The following GIGYF2 variants were observed in gnomAD, a reference collection of about 807,000 sequenced individuals.
GIGYF2 encodes GRB10 interacting GYF protein 2, also known as GRB10-interacting GYF protein 2.
In GIGYF2, 25 loss-of-function variants were observed where a neutral mutation model predicts 208.1. That is an observed-to-expected ratio of 0.12 (90% CI 0.09 to 0.17). The LOEUF is 0.17. GIGYF2 is among the 10% of genes least tolerant of loss of function. The pLI is 1.00. For missense variants in GIGYF2, 1,302 were observed against 1,579.4 expected (o/e 0.82, Z 2.98); for synonymous variants, 534 against 543.8 (o/e 0.98, Z 0.25).
chr2:232,803,501 A>G (rs1316011361), intron 14 of GIGYF2, among the ~76,000 whole-genome samples: 1 of 151,972 alleles, frequency 6.6e-6, no homozygotes, highest in Non-Finnish European at 1.5e-5. Flanking sequence ...TTTTAAATTA[A>G]TTTTCATATA....
chr2:232,843,614 C>T (rs1433120095), intron 23 of GIGYF2, among the ~76,000 whole-genome samples: 1 of 151,282 alleles, frequency 6.6e-6, no homozygotes, highest in Non-Finnish European at 1.5e-5. Flanking sequence ...TGGCTCATGC[C>T]TGTAATCCCA....
At chr2:232,827,568 T>G (rs929353196) in intron 21 of GIGYF2, among the ~76,000 whole-genome samples, 19 of 152,366 alleles carry the variant, frequency 1.2e-4, no homozygotes, top group Non-Finnish European at 4.4e-5. Flanking sequence ...TATGCTTGGT[T>G]GGTAGCAATA....
intron 23 of GIGYF2, among the ~76,000 whole-genome samples, chr2:232,840,758 A>T (rs996823635): frequency 2.6e-5 from 4 of 152,164 alleles, no homozygotes; most frequent in African/African-American, 9.7e-5. Flanking sequence ...AGGGATAATG[A>T]TGGTGTGGTG....
At chr2:232,793,774 T>C (rs894078904) in intron 12 of GIGYF2, among the ~76,000 whole-genome samples, 8 of 152,020 alleles carry the variant, frequency 5.3e-5, no homozygotes, top group African/African-American at 1.9e-4. Flanking sequence ...TCCTCAGAGG[T>C]AAAAGTAGAG....
Position 232,751,371 on chromosome 2 carries a change from C to A in GIGYF2, c.267+2289C>A, listed in dbSNP as rs549909967. Among the ~76,000 whole-genome samples the A allele has an allele frequency of 4.6e-5, 7 of 151,982 alleles. No individual in the cohort carries two copies. The East Asian group carries it at 5.8e-4, about 13-fold the overall frequency. On this transcript the variant is annotated intron_variant, in intron 5 of 28. Transcript: ENST00000373563. ...CTGGGATTACAGGCGTATACCAACA[C>A]GCCTGGCTAATTTTTGTATTTTTAG...
Position 232,791,357 on chromosome 2 carries a change from A to G in GIGYF2, c.1193A>G (p.Asp398Gly), listed in dbSNP as rs1700064668. ...GAAGCATCACAGTTTGAGAGGAAAGATGAACCAAAAACTGAGCAAACGGAA... is the reference window on the plus strand; with the variant it reads ...GAAGCATCACAGTTTGAGAGGAAAGGTGAACCAAAAACTGAGCAAACGGAA... ...SQEASQFERK[D>G]EPKTEQTEKA... Residue 398 changes from aspartate to glycine, a missense_variant, in exon 12 of 29, where the codon GAT becomes GGT. Asp to Gly is a moderately conservative substitution (Grantham distance 94). Coordinates refer to ENST00000373563, the MANE Select transcript of GIGYF2 (RefSeq NM_001103146.3). The G allele has an allele frequency of 6.2e-7, 1 of 1,614,144 alleles. No homozygotes were observed. Among genetic ancestry groups the G allele is most frequent in the Non-Finnish European group, 8.5e-7 (1 of 1,180,006 alleles).
intron 22 of GIGYF2, among the ~76,000 whole-genome samples, chr2:232,838,939 G>T (rs916849256): frequency 9.2e-5 from 14 of 152,222 alleles, no homozygotes; most frequent in Admixed American, 9.2e-4. Flanking sequence ...GAGTTGTTTG[G>T]CAGTATCAGT....
intron 8 of GIGYF2, among the ~76,000 whole-genome samples, chr2:232,783,159 C>T (rs1310621210): frequency 6.6e-6 from 1 of 152,110 alleles, no homozygotes; most frequent in Non-Finnish European, 1.5e-5. Flanking sequence ...AAATTTAAAA[C>T]AACCTTGTGA....
rs556590812 is a variant in GIGYF2 at position 232,857,353 on chromosome 2, C to T, written c.*493C>T. 57 of 188,738 alleles carry T rather than the reference C, an allele frequency of 3.0e-4. No homozygotes were observed. The highest frequency in any genetic ancestry group is 5.4e-4 in the Non-Finnish European group (48 of 89,682). 11.7% of individuals were successfully genotyped at this position (188,738 alleles called of 1,614,324 possible). On this transcript the variant is annotated 3_prime_UTR_variant, in exon 29 of 29. Coordinates refer to ENST00000373563, the MANE Select transcript of GIGYF2 (RefSeq NM_001103146.3). The stretch of plus-strand genomic sequence containing the variant: ...ACAAAACACCCCATGGACTGTGACT[C>T]GAGTATCCAACAGGCAGTCAGAGCT...
chr2:232,709,088 C>G lies in GIGYF2; in HGVS notation c.-44+5599C>G, dbSNP rs575534148. ...AGTGAGCTGAGGTTGCACCACTGCA[C>G]TCCAGTCTGGGTGACAGAGTGAGAC... On this transcript the variant is annotated intron_variant, in intron 2 of 28. Coordinates refer to ENST00000373563, the MANE Select transcript of GIGYF2 (RefSeq NM_001103146.3). 2.0e-5 allele frequency among the ~76,000 whole-genome samples: 3 copies of G among 152,230 alleles called. 1 individual carries two copies. In the South Asian group the frequency reaches 6.2e-4, roughly 32 times the overall value.
chr2:232,745,500 A>G (rs1382125530), intron 3 of GIGYF2, among the ~76,000 whole-genome samples: 1 of 152,208 alleles, frequency 6.6e-6, no homozygotes, highest in African/African-American at 2.4e-5. Flanking sequence ...ATTGAAATAT[A>G]TTAATAAAAT....
chr2:232,699,101 G>C (rs745689371), intron 1 of GIGYF2, among the ~76,000 whole-genome samples: 9 of 152,178 alleles, frequency 5.9e-5, no homozygotes, highest in Non-Finnish European at 1.0e-4. Context: ...TAGAATAATA[G>C]GGGTTTGGGG....
At chr2:232,771,190 A>G (rs1699230255) in intron 8 of GIGYF2, 1 of 1,613,704 alleles carries the variant, frequency 6.2e-7, no homozygotes, top group Non-Finnish European at 8.5e-7. Flanking sequence ...AGAAAAGACC[A>G]ACATCATCCA....
chr2:232,801,139 C>T (rs1157390971), intron 14 of GIGYF2, among the ~76,000 whole-genome samples: 1 of 152,164 alleles, frequency 6.6e-6, no homozygotes, highest in Non-Finnish European at 1.5e-5. Context: ...AGTGGTACTC[C>T]CTGTCTTTCC....
At chr2:232,847,753 A>T (rs919274833) in intron 27 of GIGYF2, among the ~76,000 whole-genome samples, 182 bp downstream of exon 27, 5 of 152,206 alleles carry the variant, frequency 3.3e-5, no homozygotes, top group African/African-American at 1.2e-4. Context: ...GTATCTCCCA[A>T]ATAGCAAGTA....
intron 3 of GIGYF2, among the ~76,000 whole-genome samples, chr2:232,736,943 A>G (rs889469519): frequency 6.6e-6 from 1 of 152,234 alleles, no homozygotes; most frequent in African/African-American, 2.4e-5. Context: ...AAAACTGATG[A>G]TATTTTAGAA....
chr2:232,739,770 A>G (rs1160694790), intron 3 of GIGYF2, among the ~76,000 whole-genome samples: 2 of 152,144 alleles, frequency 1.3e-5, no homozygotes, highest in Non-Finnish European at 2.9e-5. Flanking sequence ...TTTGGTTTCT[A>G]TCGTATATGC....
At chr2:232,769,296 C>T (rs578025746) in intron 8 of GIGYF2, among the ~76,000 whole-genome samples, 11 of 151,882 alleles carry the variant, frequency 7.2e-5, no homozygotes, top group South Asian at 2.1e-4. Context: ...TTTGGGAGCC[C>T]GAGGCGGGCG....
At chr2:232,722,116 G>C (rs1243296805) in intron 2 of GIGYF2, among the ~76,000 whole-genome samples, 1 of 152,118 alleles carries the variant, frequency 6.6e-6, no homozygotes, top group African/African-American at 2.4e-5. Flanking sequence ...CCATACTCAG[G>C]CTGCTAAGTT....
Sources: allele counts gnomAD v4.1 joint callset (sites outside exome capture counted in the v4.1 genomes callset), GRCh38; gene constraint gnomAD v4.1.1; transcripts MANE v1.5; gene names NCBI Gene and HGNC (gene_info 2026-07-23, HGNC 2026-07-21).